The following PLA2R1 variants were observed in gnomAD, a reference collection of about 807,000 sequenced individuals.
PLA2R1 encodes the protein phospholipase A2 receptor 1.
A neutral mutation model predicts 195.9 loss-of-function variants in PLA2R1; 158 were observed. The observed-to-expected ratio is 0.81, with a 90% CI of 0.71 to 0.92. The LOEUF is 0.92. PLA2R1 is among the 40% of genes least tolerant of loss of function. The probability of loss-of-function intolerance (pLI) is 0.00; values close to 1 mark genes in which losing one functional copy is unlikely to be tolerated. For missense variants in PLA2R1, 1,626 were observed against 1,764.6 expected (o/e 0.92, Z 1.41); for synonymous variants, 586 against 598.2 (o/e 0.98, Z 0.30).
At chr2:160,047,002 A>T (rs962230762) in intron 1 of PLA2R1, among the ~76,000 whole-genome samples, 1 of 152,188 alleles carries the variant, frequency 6.6e-6, no homozygotes, top group Non-Finnish European at 1.5e-5. Flanking sequence ...TCATTAAAGG[A>T]TAATTATTTT....
At chr2:160,059,777 G>A (rs542845872) in intron 1 of PLA2R1, among the ~76,000 whole-genome samples, 13 of 152,160 alleles carry the variant, frequency 8.5e-5, no homozygotes, top group Non-Finnish European at 1.5e-4. Flanking sequence ...CACTTCTTAC[G>A]TGGCAGCGGC....
chr2:160,021,902 A>G (rs1255178051), intron 7 of PLA2R1, among the ~76,000 whole-genome samples: 1 of 152,320 alleles, frequency 6.6e-6, no homozygotes, highest in East Asian at 1.9e-4. Context: ...AAAGGACCCT[A>G]TGTGGCTGAA....
At chr2:159,954,541 C>T (rs1687964783) in intron 23 of PLA2R1, among the ~76,000 whole-genome samples, 1 of 151,264 alleles carries the variant, frequency 6.6e-6, no homozygotes, top group South Asian at 2.1e-4. Flanking sequence ...TAAATATATG[C>T]TAGGCTGCCC....
At chr2:159,966,756 T>C (rs1688815365) in intron 20 of PLA2R1, among the ~76,000 whole-genome samples, 1 of 152,176 alleles carries the variant, frequency 6.6e-6, no homozygotes, top group Non-Finnish European at 1.5e-5. Context: ...TATGAAATGA[T>C]GACACAGTTT....
At chr2:160,028,009 A>C (rs995426093) in intron 6 of PLA2R1, among the ~76,000 whole-genome samples, 3 of 152,210 alleles carry the variant, frequency 2.0e-5, no homozygotes, top group Non-Finnish European at 4.4e-5. Context: ...AGATTATTTC[A>C]GTTTTTAGTA....
intron 11 of PLA2R1, among the ~76,000 whole-genome samples, chr2:159,989,274 A>G (rs1362035297): frequency 6.6e-6 from 1 of 152,196 alleles, no homozygotes; most frequent in African/African-American, 2.4e-5. Context: ...TAATTTCAGA[A>G]TGCAGCTCAC....
intron 7 of PLA2R1, among the ~76,000 whole-genome samples, chr2:160,020,599 A>T (rs886991646): frequency 6.6e-6 from 1 of 152,084 alleles, no homozygotes; most frequent in Non-Finnish European, 1.5e-5. Flanking sequence ...TCTCATGGGA[A>T]TGGTACTGGT....
rs1402513259 is a variant in PLA2R1 at position 159,979,834 on chromosome 2, G to C, written c.2264C>G (p.Thr755Ser). 3 of 1,576,510 alleles carry C rather than the reference G, an allele frequency of 1.9e-6. No individual in the cohort carries two copies. The highest frequency in any genetic ancestry group is 2.2e-5 in the South Asian group (2 of 89,932). The change falls in exon 14 of 30, where the codon ACT (threonine) becomes AGT (serine). Residue 755 changes from threonine to serine, a missense_variant. Coordinates refer to ENST00000283243, the MANE Select transcript of PLA2R1 (RefSeq NM_007366.5). ...NAGSWEWSDR[T>S]PVVSSFLDNT... ...CTCCAGTTTGAAAAGACTTACAGGA[G>C]TTCTATCAGACCACTCCCATGAGCC...
intron 1 of PLA2R1, among the ~76,000 whole-genome samples, chr2:160,058,173 C>G (rs1424186454): frequency 6.6e-6 from 1 of 152,130 alleles, no homozygotes; most frequent in Admixed American, 6.5e-5. Flanking sequence ...TTGGATGAAC[C>G]CAACTAAAAC....
At chr2:159,958,997 T>C (rs981288245) in intron 20 of PLA2R1, among the ~76,000 whole-genome samples, 1 of 152,238 alleles carries the variant, frequency 6.6e-6, no homozygotes, top group African/African-American at 2.4e-5. Flanking sequence ...TGAACTAGCT[T>C]GAGGTTGAGT....
chr2:159,987,039 C>T, intron 12 of PLA2R1, 117 bp downstream of exon 12: 1 of 686,432 alleles, frequency 1.5e-6, no homozygotes, highest in Non-Finnish European at 2.6e-6. Context: ...CACCTGCTGT[C>T]TGTCAGGCAC....
At position 160,032,974 on chromosome 2, in the gene PLA2R1, C is replaced by T; in HGVS notation, c.826G>A (p.Glu276Lys). 1 of 1,610,976 alleles carries T rather than the reference C, an allele frequency of 6.2e-7. No individual in the cohort carries two copies. Among genetic ancestry groups the T allele is most frequent in the Non-Finnish European group, 8.5e-7 (1 of 1,178,186 alleles). ...ACCTACTTACCCCTTATGAAATTTT[C>T]TTCAGTTTCATCTGTAATACTTAAC... ...TLLSITDETE[E>K]NFIREHMSSK... Residue 276 changes from glutamate (E) to lysine (K), a missense_variant, in exon 4 of 30, where the codon GAA (glutamate) becomes AAA (lysine). Transcript: ENST00000283243.
chr2:160,051,314 A>G (rs1184904536), intron 1 of PLA2R1, among the ~76,000 whole-genome samples: 4 of 152,174 alleles, frequency 2.6e-5, no homozygotes, highest in South Asian at 2.1e-4. Flanking sequence ...CTGCAACCCA[A>G]TTTCAATCTC....
At chr2:159,999,243 T>C (rs1691431840) in intron 11 of PLA2R1, among the ~76,000 whole-genome samples, 2 of 152,304 alleles carry the variant, frequency 1.3e-5, no homozygotes, top group African/African-American at 2.4e-5. Flanking sequence ...TGTGATATTT[T>C]GTTATAGTAA....
At chr2:159,983,453 C>CTT (rs3062423) in intron 13 of PLA2R1, among the ~76,000 whole-genome samples, 2 of 140,106 alleles carry the variant, frequency 1.4e-5, no homozygotes, top group Non-Finnish European at 3.2e-5. Context: ...TACTGGGACT[C>CTT]TTTTTTTTTT....
In PLA2R1 at chr2:159,951,567, G is replaced by A. The variant is rs1395062811; in HGVS notation, c.3313C>T (p.His1105Tyr). 9 of 1,514,144 alleles carry A rather than the reference G, an allele frequency of 5.9e-6. No homozygotes were observed. Among genetic ancestry groups the A allele is most frequent in the Non-Finnish European group, 8.3e-6 (9 of 1,086,676 alleles). 93.8% of individuals were successfully genotyped at this position (1,514,144 alleles called of 1,614,324 possible). A position where few individuals can be genotyped will look rare whatever the true frequency, so the allele number is the denominator to read the frequency against. The stretch of plus-strand genomic sequence containing the variant: ...TACATATCAGATGTATTTACACCGT[G>A]TCCAGAAGTATCTAGAACAAGAACA... ...VCEKMQDTSG[H>Y]GVNTSDMYPM... The change falls in exon 24 of 30, where the codon CAC (histidine) becomes TAC (tyrosine). Residue 1105 changes from histidine (H) to tyrosine (Y), a missense_variant. Physicochemically the swap from His to Tyr is moderately conservative, Grantham distance 83. Transcript: ENST00000283243.
At chr2:160,057,620 G>A (rs892933153) in intron 1 of PLA2R1, among the ~76,000 whole-genome samples, 4 of 152,186 alleles carry the variant, frequency 2.6e-5, no homozygotes, top group African/African-American at 9.7e-5. Flanking sequence ...TGCCTCCTCT[G>A]CATGCCTTCA....
chr2:159,954,091 C>G (rs1343230623), intron 23 of PLA2R1, among the ~76,000 whole-genome samples: 1 of 152,152 alleles, frequency 6.6e-6, no homozygotes, highest in South Asian at 2.1e-4. Context: ...GCCTTGGTCC[C>G]CCAAAGGCTA....
chr2:159,925,188 T>TAAA, the PLA2R1 span, among the ~76,000 whole-genome samples: 71 of 150,412 alleles, frequency 4.7e-4, no homozygotes, highest in African/African-American at 1.7e-3. Flanking sequence ...ACGTCAGTTA[T>TAAA]AAAAAAAAAC....
Sources: allele counts gnomAD v4.1 joint callset (sites outside exome capture counted in the v4.1 genomes callset), GRCh38; gene constraint gnomAD v4.1.1; transcripts MANE v1.5; gene names NCBI Gene and HGNC (gene_info 2026-07-23, HGNC 2026-07-21).